ERO1A: variants seen among roughly 807,000 people sequenced by gnomAD.
ERO1A encodes the protein endoplasmic reticulum oxidoreductase 1 alpha.
In ERO1A, 49 loss-of-function variants were observed where a neutral mutation model predicts 76.9. That is an observed-to-expected ratio of 0.64 (90% CI 0.51 to 0.81). The LOEUF is 0.81. ERO1A is among the 30% of genes least tolerant of loss of function. ERO1A has a pLI of 0.00. For synonymous variants in ERO1A, 174 were observed against 181.2 expected (o/e 0.96, Z 0.32); for missense variants, 448 against 542.1 (o/e 0.83, Z 1.72).
chr14:52,677,729 G>A (rs1347750088), intron 4 of ERO1A, among the ~76,000 whole-genome samples: 1 of 151,698 alleles, frequency 6.6e-6, no homozygotes, highest in Non-Finnish European at 1.5e-5. Context: ...TATGCATGGA[G>A]GCATTTGCCT....
intron 1 of ERO1A, among the ~76,000 whole-genome samples, chr14:52,686,353 C>T (rs1227183235): frequency 6.6e-6 from 1 of 152,104 alleles, no homozygotes; most frequent in Non-Finnish European, 1.5e-5. Flanking sequence ...TGCTCAGTGC[C>T]CCAGAGTACA....
intron 3 of ERO1A, 132 bp from the exon 4 acceptor site, chr14:52,678,604 AG>A: frequency 1.4e-6 from 1 of 692,672 alleles, no homozygotes; most frequent in Admixed American, 2.7e-5. Flanking sequence ...CAGAATAGGT[AG>A]TATTCATATG....
At position 52,659,512 on chromosome 14, in the gene ERO1A, T is replaced by C. The variant is rs187556406; in HGVS notation, c.689-1362A>G. On this transcript the variant is annotated intron_variant, in intron 9 of 15. Transcript: ENST00000395686. Reference sequence around the variant, plus strand: ...ACTCTGCTACTTACAAATCATATTATTTTAGTCAAGTTGCTGAACCTCTCT... The same window carrying C: ...ACTCTGCTACTTACAAATCATATTACTTTAGTCAAGTTGCTGAACCTCTCT... Among the ~76,000 whole-genome samples, 4 of 152,246 alleles carry C rather than the reference T, an allele frequency of 2.6e-5. No individual in the cohort carries two copies. In the East Asian group the frequency reaches 7.7e-4, roughly 29 times the overall value.
rs1199326343 is a variant in ERO1A, at chr14:52,682,249, TTAAA to T, written c.318+72_318+75del. 4.9e-6 allele frequency: 6 copies of T among 1,229,072 alleles called. No individual in the cohort carries two copies. The African/African-American group carries it at 7.7e-5, about 16-fold the overall frequency. 76.1% of individuals were successfully genotyped at this position (1,229,072 alleles called of 1,614,324 possible). On this transcript the variant is annotated intron_variant, in intron 3 of 15. Transcript: ENST00000395686. Reference sequence around the variant, plus strand: ...TCTCTATTTTTTCAAAAAAAAATTCTTAAATAAAACAAAACAAAAAGTTATAATG... The same window carrying T: ...TCTCTATTTTTTCAAAAAAAAATTCTTAAAACAAAACAAAAAGTTATAATG...
At chr14:52,668,153 A>G (rs1292143789) in intron 6 of ERO1A, among the ~76,000 whole-genome samples, 7 of 152,254 alleles carry the variant, frequency 4.6e-5, no homozygotes, top group Admixed American at 3.9e-4. Flanking sequence ...GGAATCATCT[A>G]GTTCAGGAAT....
chr14:52,690,191 A>G (rs1055687061), intron 1 of ERO1A, among the ~76,000 whole-genome samples: 1 of 152,242 alleles, frequency 6.6e-6, no homozygotes, highest in Non-Finnish European at 1.5e-5. Context: ...ATAGGAGAAA[A>G]GCTCCATGAC....
chr14:52,694,047 T>C (rs2041453530), intron 1 of ERO1A, among the ~76,000 whole-genome samples: 1 of 152,220 alleles, frequency 6.6e-6, no homozygotes, highest in Non-Finnish European at 1.5e-5. Flanking sequence ...GTTGAAGAGT[T>C]CAACATGTAC....
intron 6 of ERO1A, among the ~76,000 whole-genome samples, chr14:52,667,709 G>A (rs1293495072): frequency 1.3e-5 from 2 of 152,022 alleles, no homozygotes; most frequent in East Asian, 1.9e-4. Context: ...GCAACACAGT[G>A]AGACTGTGTC....
chr14:52,690,872 A>G (rs1236290826), intron 1 of ERO1A, among the ~76,000 whole-genome samples: 1 of 151,990 alleles, frequency 6.6e-6, no homozygotes, highest in Non-Finnish European at 1.5e-5. Context: ...GATTCAAGCA[A>G]TTCTCCTGCC....
chr14:52,664,454 A>G (rs889760055), intron 7 of ERO1A, among the ~76,000 whole-genome samples: 3 of 152,178 alleles, frequency 2.0e-5, no homozygotes, highest in African/African-American at 4.8e-5. Context: ...TTAATAGTAA[A>G]CTATAGGGAT....
At chr14:52,665,606 C>A (rs1594826446) in intron 7 of ERO1A, among the ~76,000 whole-genome samples, 1 of 151,806 alleles carries the variant, frequency 6.6e-6, no homozygotes, top group East Asian at 1.9e-4. Flanking sequence ...TCTAAGACAG[C>A]ATAATGTGCT....
At chr14:52,686,485 A>C (rs2041179837) in intron 1 of ERO1A, among the ~76,000 whole-genome samples, 1 of 152,198 alleles carries the variant, frequency 6.6e-6, no homozygotes, top group South Asian at 2.1e-4. Context: ...GAAGCCCCAA[A>C]CCAGAAAGAA....
intron 8 of ERO1A, 124 bp downstream of exon 8, chr14:52,663,677 T>C (rs2040306759): frequency 1.7e-6 from 1 of 594,166 alleles, no homozygotes; most frequent in Non-Finnish European, 3.1e-6. Context: ...GGCATAACTC[T>C]ATGGAAACAG....
chr14:52,645,578 G>A (rs546094503), intron 15 of ERO1A, among the ~76,000 whole-genome samples: 17 of 151,416 alleles, frequency 1.1e-4, no homozygotes, highest in Non-Finnish European at 1.6e-4. Context: ...ATGAGCCACC[G>A]TGCCCGGCCC....
At chr14:52,662,576 A>C (rs1447514654) in intron 8 of ERO1A, among the ~76,000 whole-genome samples, 2 of 152,240 alleles carry the variant, frequency 1.3e-5, no homozygotes, top group South Asian at 2.1e-4. Flanking sequence ...ATAATTTCTA[A>C]AGAAAAAGTC....
chr14:52,684,118 GACACACAC>G (rs60355765), intron 1 of ERO1A, among the ~76,000 whole-genome samples: 5 of 134,636 alleles, frequency 3.7e-5, no homozygotes, highest in African/African-American at 1.3e-4. Flanking sequence ...CAGAGCTCAT[GACACACAC>G]ACACACACAC....
intron 13 of ERO1A, among the ~76,000 whole-genome samples, chr14:52,649,625 T>C (rs773345708): frequency 1.3e-5 from 2 of 151,824 alleles, no homozygotes; most frequent in Non-Finnish European, 2.9e-5. Context: ...GCCAGAACAC[T>C]TTCCAATAAA....
At chr14:52,680,082 C>CAAAAAAAAAAAAAAAAAAAAACAAAAA (rs2040940821) in intron 3 of ERO1A, among the ~76,000 whole-genome samples, 1 of 90,934 alleles carries the variant, frequency 1.1e-5, no homozygotes, top group Non-Finnish European at 2.2e-5. Flanking sequence ...AAAACACAAA[C>CAAAAAAAAAAAAAAAAAAAAACAAAAA]AAAAAAAAAA....
intron 6 of ERO1A, among the ~76,000 whole-genome samples, chr14:52,667,989 C>T (rs2040468091): frequency 6.7e-6 from 1 of 150,256 alleles, no homozygotes; most frequent in Non-Finnish European, 1.5e-5. Flanking sequence ...TTTTTTACTC[C>T]AATTCACAGT....
Sources: gnomAD v4.1 joint callset for allele counts (sites outside exome capture counted in the v4.1 genomes callset) on GRCh38, gnomAD v4.1.1 for gene constraint, MANE v1.5 for transcripts, NCBI Gene and HGNC (gene_info 2026-07-23, HGNC 2026-07-21) for gene names.